Variants in ITGB6 observed in about 807,000 individuals in gnomAD.
ITGB6 encodes integrin subunit beta 6.
Under a neutral mutation model 84.5 loss-of-function variants are expected in ITGB6, and 80 were observed. The ratio of observed to expected loss-of-function variants is 0.95; its 90% confidence interval spans 0.79 to 1.14. The LOEUF (loss-of-function observed/expected upper bound fraction) is 1.14. Among genes scored for constraint, ITGB6 ranks in the 50% most tolerant of loss-of-function variants. ITGB6 has a pLI of 0.00. For synonymous variants in ITGB6, 383 were observed against 354.9 expected (o/e 1.08, Z -0.89); for missense variants, 1,006 against 968.0 (o/e 1.04, Z -0.52).
At chr2:160,196,136 G>T in intron 3 of ITGB6, 80 bp downstream of exon 3, 1 of 1,140,784 alleles carries the variant, frequency 8.8e-7, no homozygotes. Flanking sequence ...TATGTAATAT[G>T]ATACAAGACA....
At chr2:160,153,962 T>G (rs1029726527) in intron 7 of ITGB6, among the ~76,000 whole-genome samples, 3 of 152,124 alleles carry the variant, frequency 2.0e-5, no homozygotes, top group Admixed American at 6.5e-5. Flanking sequence ...TGGAGAAATA[T>G]GAACACTTTT....
At chr2:160,126,012 A>G (rs936733882) in intron 11 of ITGB6, among the ~76,000 whole-genome samples, 1 of 152,136 alleles carries the variant, frequency 6.6e-6, no homozygotes, top group African/African-American at 2.4e-5. Flanking sequence ...TTCCCCTGAA[A>G]AGCTACTGAC....
chr2:160,110,255 C>T (rs1326547851), intron 13 of ITGB6, among the ~76,000 whole-genome samples: 2 of 152,136 alleles, frequency 1.3e-5, no homozygotes, highest in Admixed American at 6.5e-5. Flanking sequence ...CTCTATGCCT[C>T]AATTTCCTTA....
intron 10 of ITGB6, among the ~76,000 whole-genome samples, chr2:160,136,235 A>G (rs1271890986): frequency 3.3e-5 from 5 of 152,190 alleles, no homozygotes; most frequent in South Asian, 4.1e-4. Context: ...CAACAAGTGG[A>G]CAAAGGATAT....
intron 12 of ITGB6, among the ~76,000 whole-genome samples, chr2:160,119,062 A>G (rs990962911): frequency 3.9e-5 from 6 of 152,340 alleles, no homozygotes; most frequent in African/African-American, 1.4e-4. Context: ...GGTAGGAAGA[A>G]TCAATATCGT....
chr2:160,179,970 G>C (rs2105878730), intron 4 of ITGB6, among the ~76,000 whole-genome samples: 1 of 150,426 alleles, frequency 6.6e-6, no homozygotes, highest in East Asian at 2.0e-4. Flanking sequence ...AAAATCATCT[G>C]GGCATGGTGG....
At chr2:160,163,139 G>T (rs1034580091) in intron 7 of ITGB6, among the ~76,000 whole-genome samples, 1 of 152,038 alleles carries the variant, frequency 6.6e-6, no homozygotes, top group Non-Finnish European at 1.5e-5. Context: ...AACAACCCAC[G>T]GGGCAGAATC....
intron 14 of ITGB6, among the ~76,000 whole-genome samples, 189 bp from the exon 15 acceptor site, chr2:160,102,023 A>T (rs759891647): frequency 6.6e-6 from 1 of 152,220 alleles, no homozygotes; most frequent in Non-Finnish European, 1.5e-5. Flanking sequence ...TTAAATATAC[A>T]GAACAAGTCC....
At chr2:160,117,058 A>C (rs1321090030) in intron 12 of ITGB6, among the ~76,000 whole-genome samples, 1 of 150,876 alleles carries the variant, frequency 6.6e-6, no homozygotes, top group Admixed American at 6.6e-5. Flanking sequence ...CCCACACAAT[A>C]ATAATGGGAG....
At chr2:160,127,291 T>C (rs34064895) in intron 10 of ITGB6, among the ~76,000 whole-genome samples, 101,625 of 151,986 alleles carry the variant, frequency 0.67, 34,349 homozygotes, top group Admixed American at 0.74. Flanking sequence ...CTAGGAAACA[T>C]TTGCAATCTG....
intron 12 of ITGB6, among the ~76,000 whole-genome samples, chr2:160,118,446 C>T (rs183487989): frequency 0.036 from 5,403 of 152,158 alleles, 279 homozygotes; most frequent in African/African-American, 0.12. Context: ...CAGAAAAGGC[C>T]TTTGACAAAA....
chr2:160,134,442 C>A (rs1487002591), intron 10 of ITGB6, among the ~76,000 whole-genome samples: 1 of 152,124 alleles, frequency 6.6e-6, no homozygotes, highest in East Asian at 1.9e-4. Flanking sequence ...CAGTCCAGGA[C>A]CAGATGGATT....
chr2:160,137,747 G>A lies in ITGB6; in HGVS notation c.1347C>T (p.Ser449=). The part of the protein sequence containing the change: ...GLGDALELLV[S]PECNCDCQKE... The stretch of plus-strand genomic sequence containing the variant: ...TCTGACAGTCGCAGTTGCATTCTGG[G>A]CTGACAAGTAATTCCAGGGCATCCC... Residue 449 remains serine (S), a synonymous_variant, in exon 10 of 15, where the codon AGC becomes AGT. Transcript: ENST00000283249. 4 of 1,614,150 alleles carry A rather than the reference G, an allele frequency of 2.5e-6. No individual in the cohort carries two copies. Among genetic ancestry groups the A allele is most frequent in the Non-Finnish European group, 3.4e-6 (4 of 1,180,008 alleles).
intron 6 of ITGB6, among the ~76,000 whole-genome samples, 165 bp from the exon 7 acceptor site, chr2:160,169,472 T>C (rs906670973): frequency 6.6e-6 from 1 of 152,232 alleles, no homozygotes; most frequent in Non-Finnish European, 1.5e-5. Flanking sequence ...ATTATTCACT[T>C]AGTTGGTTTA....
At chr2:160,126,080 T>C (rs1683228491) in intron 11 of ITGB6, among the ~76,000 whole-genome samples, 1 of 152,194 alleles carries the variant, frequency 6.6e-6, no homozygotes, top group Non-Finnish European at 1.5e-5. Context: ...GCTGGTATTG[T>C]AATGGAGAGG....
chr2:160,140,136 T>G (rs964575757), intron 8 of ITGB6, among the ~76,000 whole-genome samples: 1 of 152,220 alleles, frequency 6.6e-6, no homozygotes, highest in African/African-American at 2.4e-5. Context: ...AAATTCTTTT[T>G]AGCATACATT....
chr2:160,157,483 A>G (rs910567266), intron 7 of ITGB6, among the ~76,000 whole-genome samples: 7 of 152,306 alleles, frequency 4.6e-5, no homozygotes, highest in African/African-American at 1.7e-4. Context: ...GGCCTCTGCC[A>G]GAGAAACTAG....
At position 160,141,976 on chromosome 2, in the gene ITGB6, T is replaced by A; in HGVS notation, c.1107+6A>T. 1 of 1,573,948 alleles carries A rather than the reference T, an allele frequency of 6.4e-7. No individual in the cohort carries two copies. On this transcript the variant is annotated splice_donor_region_variant and intron_variant, in intron 8 of 14. Coordinates refer to ENST00000283249, the MANE Select transcript of ITGB6 (RefSeq NM_000888.5). ...CAAAAAAGAAGCCAGCTGTAAAATA[T>A]CCTACTTCATAAGCTGAGATGATCA...
rs777609172 is a variant in ITGB6 at position 160,172,698 on chromosome 2, G to A, written c.792C>T (p.His264=). The change falls in exon 6 of 15, where the codon CAC becomes CAT. Residue 264 remains histidine, a synonymous_variant. Transcript: ENST00000283249. ...EKIGWRNDSL[H]LLVFVSDADS... is the part of the protein sequence containing the mutation. ...CAGCATCACTCACAAAGACCAGGAG[G>A]TGGAGGGAGTCATTCCGCCAGCCAA... The A allele has an allele frequency of 6.2e-7, 1 of 1,603,170 alleles. No individual in the cohort carries two copies. The highest frequency in any genetic ancestry group is 1.1e-5 in the South Asian group (1 of 90,674).
Sources: allele counts gnomAD v4.1 joint callset (sites outside exome capture counted in the v4.1 genomes callset), GRCh38; gene constraint gnomAD v4.1.1; transcripts MANE v1.5; gene names NCBI Gene and HGNC (gene_info 2026-07-23, HGNC 2026-07-21).